The following NPC1 variants were observed in gnomAD, a reference collection of about 807,000 sequenced individuals.
NPC1 encodes NPC intracellular cholesterol transporter 1.
In NPC1, 85 loss-of-function variants were observed where a neutral mutation model predicts 140.4. That is an observed-to-expected ratio of 0.61 (90% CI 0.51 to 0.72). NPC1 has a LOEUF of 0.72. Among genes scored for constraint, NPC1 ranks in the 30% least tolerant of loss-of-function variants. NPC1 has a pLI of 0.00. For missense variants in NPC1, 1,504 were observed against 1,623.8 expected (o/e 0.93, Z 1.27); for synonymous variants, 656 against 624.8 (o/e 1.05, Z -0.74).
Position 23,536,707 on chromosome 18 carries a change from T to G in NPC1, c.3211A>C (p.Ile1071Leu), listed in dbSNP as rs1426778680. 3 of 1,614,216 alleles carry G rather than the reference T, an allele frequency of 1.9e-6. No homozygotes were observed. The highest frequency in any genetic ancestry group is 1.1e-5 in the South Asian group (1 of 91,076). Reference sequence around the variant, plus strand: ...AATACTCGGTAGGCACTGCCGTTAATGCCCATGGTTTCGGTGACATTACTG... The same window carrying G: ...AATACTCGGTAGGCACTGCCGTTAAGGCCCATGGTTTCGGTGACATTACTG... ...IASNVTETMG[I>L]NGSAYRVFPY... Residue 1071 changes from isoleucine to leucine, a missense_variant, in exon 21 of 25, where the codon ATT (isoleucine) becomes CTT (leucine). By Grantham distance (5) the Ile-to-Leu change is conservative (BLOSUM62 2). Coordinates refer to ENST00000269228, the MANE Select transcript of NPC1 (RefSeq NM_000271.5).
intron 1 of NPC1, among the ~76,000 whole-genome samples, chr18:23,575,769 CAAAAAAAAAAAAAAAAAA>C (rs35922440): frequency 2.0e-4 from 7 of 35,084 alleles, no homozygotes; most frequent in African/African-American, 5.1e-4. Flanking sequence ...CAGAGAAGAC[CAAAAAAAAAAAAAAAAAA>C]AAAAAAAAAG....
intron 4 of NPC1, among the ~76,000 whole-genome samples, chr18:23,562,056 G>A (rs7228739): frequency 0.1 from 15,822 of 152,146 alleles, 1,465 homozygotes; most frequent in African/African-American, 0.24. Context: ...CTGGGAGGCC[G>A]AGGTGGGCGG....
chr18:23,541,065 T>G lies in NPC1; in HGVS notation c.2514+3A>C, dbSNP rs1567951514. ...AAGAGAAAAACCACAGATAAGCGCA[T>G]ACCACAATTGGTCTCATCCAGTCCT... On this transcript the variant is annotated splice_donor_region_variant and intron_variant, in intron 16 of 24. Coordinates refer to ENST00000269228, the MANE Select transcript of NPC1 (RefSeq NM_000271.5). The G allele has an allele frequency of 6.2e-7, 1 of 1,614,084 alleles. No homozygotes were observed. The highest frequency in any genetic ancestry group is 1.3e-5 in the African/African-American group (1 of 74,942).
At chr18:23,533,285 G>T in intron 24 of NPC1, 70 bp downstream of exon 24, 1 of 1,387,894 alleles carries the variant, frequency 7.2e-7, no homozygotes, top group Non-Finnish European at 1.0e-6. Context: ...TGAAAAGAAT[G>T]CCTCAGGATA....
chr18:23,575,416 G>GTGCT (rs1309939424), intron 1 of NPC1, among the ~76,000 whole-genome samples: 2 of 152,108 alleles, frequency 1.3e-5, no homozygotes, highest in Non-Finnish European at 2.9e-5. Context: ...GAGGCTCAGT[G>GTGCT]TGCTTGTTGA....
chr18:23,544,945 C>CCCCA lies in NPC1; in HGVS notation c.1947+14_1947+15insTGGG, dbSNP rs1555634634. 9.3e-6 allele frequency: 12 copies of CCCCA among 1,291,234 alleles called. No individual in the cohort carries two copies. The highest frequency in any genetic ancestry group is 4.9e-5 in the South Asian group (4 of 81,254). 80.0% of individuals were successfully genotyped at this position (1,291,234 alleles called of 1,614,324 possible). On this transcript the variant is annotated intron_variant, in intron 12 of 24. Coordinates refer to ENST00000269228, the MANE Select transcript of NPC1 (RefSeq NM_000271.5). ...TGTTAACCTCTAGAACATACACCAC[C>CCCCA]CCCCCCCGGCTTACCAGAAGCCTGC... is the stretch of plus-strand genomic sequence containing the variant.
chr18:23,515,898 A>C, intron 3 of NPC1: 2 of 1,614,094 alleles, frequency 1.2e-6, no homozygotes, highest in East Asian at 4.5e-5. Flanking sequence ...GAAGAGCCAC[A>C]ATCTCAATGT....
chr18:23,514,666 T>G (rs1284756043), intron 3 of NPC1, among the ~76,000 whole-genome samples: 2 of 152,210 alleles, frequency 1.3e-5, no homozygotes, highest in South Asian at 4.1e-4. Context: ...ATGGGAAGGA[T>G]GGCTTGCTTT....
intron 4 of NPC1, among the ~76,000 whole-genome samples, chr18:23,563,979 T>A (rs113313982): frequency 2.3e-5 from 3 of 132,296 alleles, no homozygotes; most frequent in Non-Finnish European, 4.7e-5. Flanking sequence ...TATCATTGAG[T>A]AGTAAGAGTT....
downstream of NPC1, among the ~76,000 whole-genome samples, chr18:23,518,732 T>C (rs2058071804): frequency 1.3e-5 from 2 of 152,208 alleles, no homozygotes; most frequent in Admixed American, 6.5e-5. Context: ...AACTTTATAA[T>C]AGGCTTTGAG....
downstream of NPC1, chr18:23,526,819 C>T (rs2058311494): frequency 1.3e-6 from 2 of 1,589,156 alleles, no homozygotes. Flanking sequence ...CTGTGCTGCC[C>T]AACACTTTTT....
At chr18:23,529,756 T>TA (rs199522028), downstream of NPC1, 10,197 of 1,390,332 alleles carry the variant, frequency 7.3e-3, 69 homozygotes, top group African/African-American at 0.053. Context: ...AGAAGGAATT[T>TA]AAAAAAAAAA....
At chr18:23,543,347 G>GAAAAA in intron 14 of NPC1, 108 bp downstream of exon 14, 1 of 404,280 alleles carries the variant, frequency 2.5e-6, no homozygotes, top group African/African-American at 2.8e-5. Context: ...AAAAAAAAAA[G>GAAAAA]AAAAAAAAAA....
chr18:23,572,853 A>C (rs1328033158), intron 2 of NPC1, among the ~76,000 whole-genome samples: 1 of 152,216 alleles, frequency 6.6e-6, no homozygotes, highest in Admixed American at 6.5e-5. Flanking sequence ...CAAAAACAGA[A>C]AAGAAACGAA....
chr18:23,563,424 G>A (rs1364987635), intron 4 of NPC1, among the ~76,000 whole-genome samples: 1 of 152,186 alleles, frequency 6.6e-6, no homozygotes, highest in African/African-American at 2.4e-5. Context: ...TTCAGGAACT[G>A]CCAAACTGTT....
At chr18:23,514,348 C>T (rs566665993) in intron 3 of NPC1, among the ~76,000 whole-genome samples, 82 of 152,308 alleles carry the variant, frequency 5.4e-4, no homozygotes, top group African/African-American at 1.9e-3. Flanking sequence ...AACCCCGTCT[C>T]TATTAAACTC....
At chr18:23,543,360 A>T in intron 14 of NPC1, 95 bp downstream of exon 14, 3 of 731,226 alleles carry the variant, frequency 4.1e-6, no homozygotes, top group Non-Finnish European at 7.1e-6. Flanking sequence ...AAAAAAAAAA[A>T]GGAAGCAACA....
At chr18:23,535,972 A>T (rs1027039754) in intron 21 of NPC1, among the ~76,000 whole-genome samples, 1 of 152,160 alleles carries the variant, frequency 6.6e-6, no homozygotes, top group Non-Finnish European at 1.5e-5. Flanking sequence ...ATAGACATTT[A>T]CAGAGAGCAT....
chr18:23,513,033 A>AG (rs2057904746), intron 3 of NPC1, among the ~76,000 whole-genome samples: 1 of 152,044 alleles, frequency 6.6e-6, no homozygotes, highest in Admixed American at 6.5e-5. Flanking sequence ...AGCTCACTGC[A>AG]ACCTCTGTCT....
Sources: allele counts gnomAD v4.1 joint callset (sites outside exome capture counted in the v4.1 genomes callset), GRCh38; gene constraint gnomAD v4.1.1; transcripts MANE v1.5; gene names NCBI Gene and HGNC (gene_info 2026-07-23, HGNC 2026-07-21).